The following TMTC2 variants were observed in gnomAD, a reference collection of about 807,000 sequenced individuals.
TMTC2 encodes the protein transmembrane O-mannosyltransferase targeting cadherins 2.
Under a neutral mutation model 82.4 loss-of-function variants are expected in TMTC2, and 43 were observed. The observed-to-expected ratio is 0.52, with a 90% CI of 0.41 to 0.67. The LOEUF (loss-of-function observed/expected upper bound fraction) is 0.67, where lower values mean the gene tolerates loss of function less well. TMTC2 is among the 30% of genes least tolerant of loss of function. The pLI is 0.00. For missense variants in TMTC2, 919 were observed against 1,012.4 expected, an observed-to-expected ratio of 0.91 and a Z score of 1.25; for synonymous variants, 408 against 381.9, an observed-to-expected ratio of 1.07 and a Z score of -0.80.
At chr12:82,806,927 A>C (rs946248472) in intron 1 of TMTC2, among the ~76,000 whole-genome samples, 1 of 152,040 alleles carries the variant, frequency 6.6e-6, no homozygotes, top group Non-Finnish European at 1.5e-5. Context: ...TCTTAAGTAC[A>C]TGGACTGTGT....
At chr12:82,792,367 CTCTA>C (rs140782965) in intron 1 of TMTC2, among the ~76,000 whole-genome samples, 2,163 of 152,134 alleles carry the variant, frequency 0.014, 51 homozygotes, top group African/African-American at 0.05. Context: ...CAACCATCAC[CTCTA>C]TCTATTTCCA....
chr12:83,019,156 A>T (rs1054133685), intron 8 of TMTC2, among the ~76,000 whole-genome samples: 3 of 14,896 alleles, frequency 2.0e-4, no homozygotes, highest in Non-Finnish European at 9.4e-4. Flanking sequence ...TTTAAACTAA[A>T]CTAAAAAAAA....
At chr12:82,975,368 G>T (rs192663442) in intron 7 of TMTC2, among the ~76,000 whole-genome samples, 23 of 152,258 alleles carry the variant, frequency 1.5e-4, no homozygotes, top group Admixed American at 1.4e-3. Context: ...TATCTACACT[G>T]ATAGAAGCCA....
chr12:82,975,745 C>A (rs1032124), intron 7 of TMTC2, among the ~76,000 whole-genome samples: 1 of 151,718 alleles, frequency 6.6e-6, no homozygotes, highest in South Asian at 2.1e-4. Context: ...TTCCATTACA[C>A]TCTTTTGACT....
intron 10 of TMTC2, among the ~76,000 whole-genome samples, chr12:83,057,203 C>G (rs1882577108): frequency 6.6e-6 from 1 of 151,934 alleles, no homozygotes; most frequent in South Asian, 2.1e-4. Context: ...GGGTTTAACT[C>G]TGCCCTTAGC....
intron 1 of TMTC2, among the ~76,000 whole-genome samples, chr12:82,850,041 A>G (rs1227639682): frequency 1.3e-5 from 2 of 152,022 alleles, no homozygotes; most frequent in Non-Finnish European, 2.9e-5. Flanking sequence ...GGGGAGATAC[A>G]GTACATTAAC....
chr12:82,947,873 C>T (rs1465738170), intron 4 of TMTC2, among the ~76,000 whole-genome samples: 2 of 152,082 alleles, frequency 1.3e-5, no homozygotes, highest in Admixed American at 6.5e-5. Context: ...CCCAGACCTC[C>T]ATCATTCTGT....
intron 1 of TMTC2, among the ~76,000 whole-genome samples, chr12:82,756,940 G>T (rs891114010): frequency 1.3e-5 from 2 of 152,104 alleles, no homozygotes; most frequent in Admixed American, 1.3e-4. Flanking sequence ...TACAAATATT[G>T]CTATCTTAGA....
At chr12:82,707,299 A>G (rs1251041289) in intron 1 of TMTC2, among the ~76,000 whole-genome samples, 2 of 152,176 alleles carry the variant, frequency 1.3e-5, no homozygotes, top group Admixed American at 6.5e-5. Flanking sequence ...AATCCCTATA[A>G]TGAGGATTTC....
chr12:82,687,839 G>T lies in TMTC2; in HGVS notation c.83+170G>T, dbSNP rs574186526. The stretch of plus-strand genomic sequence containing the variant: ...CTAAATCAAACACCGGGGACGTGAG[G>T]CGCGCTGGGCGGGCCGAGGGAGTTT... On this transcript the variant is annotated intron_variant, in intron 1 of 11. Coordinates refer to ENST00000321196, the MANE Select transcript of TMTC2 (RefSeq NM_152588.3). Among the ~76,000 whole-genome samples the T allele has an allele frequency of 1.2e-3, 186 of 151,986 alleles. 1 individual carries two copies. The highest frequency in any genetic ancestry group is 2.3e-3 in the Non-Finnish European group (156 of 67,960).
chr12:82,944,634 A>T (rs2137268045), intron 4 of TMTC2, among the ~76,000 whole-genome samples: 1 of 152,224 alleles, frequency 6.6e-6, no homozygotes, highest in Middle Eastern at 3.4e-3. Flanking sequence ...GGAGTACAGT[A>T]AAAGACTAAG....
chr12:82,768,806 G>C (rs1371709408), intron 1 of TMTC2, among the ~76,000 whole-genome samples: 2 of 152,042 alleles, frequency 1.3e-5, no homozygotes, highest in African/African-American at 2.4e-5. Context: ...GCAGAACCAA[G>C]TGAGAGGGAG....
At chr12:83,012,183 T>C (rs1206742570) in intron 8 of TMTC2, among the ~76,000 whole-genome samples, 1 of 152,182 alleles carries the variant, frequency 6.6e-6, no homozygotes, top group Non-Finnish European at 1.5e-5. Context: ...GTCTTACTTA[T>C]TTTTTATGCT....
At chr12:83,117,823 A>ATTTCTTTCAGAAGTGTTTGTAGT (rs1884812260) in intron 11 of TMTC2, among the ~76,000 whole-genome samples, 1 of 152,012 alleles carries the variant, frequency 6.6e-6, no homozygotes, top group African/African-American at 2.4e-5. Flanking sequence ...GTCATCTATG[A>ATTTCTTTCAGAAGTGTTTGTAGT]TTTCTTTCAG....
At chr12:82,787,243 G>A (rs112514789) in intron 1 of TMTC2, among the ~76,000 whole-genome samples, 7,477 of 151,942 alleles carry the variant, frequency 0.049, 250 homozygotes, top group Middle Eastern at 0.14. Context: ...TAATGAGGTG[G>A]CTAAGGGACA....
At chr12:83,097,278 A>G (rs1162934578) in intron 11 of TMTC2, among the ~76,000 whole-genome samples, 1 of 152,206 alleles carries the variant, frequency 6.6e-6, no homozygotes, top group Non-Finnish European at 1.5e-5. Flanking sequence ...CATTAAGGGA[A>G]AATTGTTCTT....
chr12:82,830,315 G>A (rs774464813), intron 1 of TMTC2, among the ~76,000 whole-genome samples: 19 of 151,660 alleles, frequency 1.3e-4, no homozygotes, highest in African/African-American at 1.5e-4. Context: ...ATTGATCCTC[G>A]AACAAATCCT....
chr12:83,079,593 A>G (rs1472626151), intron 11 of TMTC2, among the ~76,000 whole-genome samples: 1 of 152,132 alleles, frequency 6.6e-6, no homozygotes, highest in Non-Finnish European at 1.5e-5. Flanking sequence ...ACTATCAGCA[A>G]ATTAGACAGA....
At chr12:83,026,062 T>C (rs1222533968) in intron 8 of TMTC2, among the ~76,000 whole-genome samples, 1 of 152,140 alleles carries the variant, frequency 6.6e-6, no homozygotes, top group Non-Finnish European at 1.5e-5. Flanking sequence ...CCATCCCTTC[T>C]CCTCTTCCCG....
Sources: allele counts gnomAD v4.1 joint callset (sites outside exome capture counted in the v4.1 genomes callset), GRCh38; gene constraint gnomAD v4.1.1; transcripts MANE v1.5; gene names NCBI Gene and HGNC (gene_info 2026-07-23, HGNC 2026-07-21).